The following CACNA2D3 variants were observed in gnomAD, a reference collection of about 807,000 sequenced individuals.
CACNA2D3 encodes voltage-dependent calcium channel subunit alpha-2/delta-3.
A neutral mutation model predicts 160.6 loss-of-function variants in CACNA2D3; 60 were observed. That is an observed-to-expected ratio of 0.37 (90% CI 0.30 to 0.46). CACNA2D3 has a LOEUF of 0.46. Ranked by LOEUF, CACNA2D3 falls within the 20% of genes least tolerant of loss-of-function variation. The pLI, the probability that CACNA2D3 is intolerant of heterozygous loss-of-function variation, is 1.00. For missense variants in CACNA2D3, 1,205 were observed against 1,365.0 expected (o/e 0.88, Z 1.85); for synonymous variants, 558 against 492.9 (o/e 1.13, Z -1.75).
intron 10 of CACNA2D3, among the ~76,000 whole-genome samples, chr3:54,629,951 C>T (rs528933893): frequency 6.6e-6 from 1 of 152,256 alleles, no homozygotes; most frequent in South Asian, 2.1e-4. Flanking sequence ...AAGTCTGTGG[C>T]CCCTGGAGTA....
chr3:54,554,762 C>T (rs907128830), intron 5 of CACNA2D3, among the ~76,000 whole-genome samples: 12 of 152,062 alleles, frequency 7.9e-5, no homozygotes, highest in South Asian at 2.1e-4. Flanking sequence ...TCCTGACTGC[C>T]GTGCTGCTGT....
At chr3:54,573,802 C>T (rs183183379) in intron 8 of CACNA2D3, among the ~76,000 whole-genome samples, 1 of 152,286 alleles carries the variant, frequency 6.6e-6, no homozygotes, top group Admixed American at 6.5e-5. Flanking sequence ...ATTTGCATTC[C>T]CTTGAATTGT....
chr3:54,405,587 A>C (rs1374854385), intron 4 of CACNA2D3, among the ~76,000 whole-genome samples: 1 of 152,110 alleles, frequency 6.6e-6, no homozygotes, highest in Non-Finnish European at 1.5e-5. Context: ...GAAAGACCTA[A>C]ATGTAAAACC....
chr3:54,255,179 T>G (rs1308282596), intron 2 of CACNA2D3, among the ~76,000 whole-genome samples: 1 of 152,236 alleles, frequency 6.6e-6, no homozygotes, highest in Non-Finnish European at 1.5e-5. Context: ...ATAGTAATGT[T>G]TATAGAGCTA....
Position 55,074,337 on chromosome 3 carries a change from A to G in CACNA2D3, c.*131A>G, listed in dbSNP as rs1704900427. ...GTCCAACCATCAGCATCTCATCATG[A>G]TTTTAAACTGTGCGTGATATAAACT... On this transcript the variant is annotated 3_prime_UTR_variant, in exon 38 of 38. Transcript: ENST00000474759. The G allele has an allele frequency of 1.4e-6, 1 of 739,998 alleles. No homozygotes were observed. The highest frequency in any genetic ancestry group is 1.7e-5 in the African/African-American group (1 of 57,906). The allele number at this position is 739,998 out of a possible 1,614,324, so 45.8% of individuals were successfully genotyped here.
intron 4 of CACNA2D3, among the ~76,000 whole-genome samples, chr3:54,456,696 C>G (rs1700402919): frequency 6.6e-6 from 1 of 151,924 alleles, no homozygotes; most frequent in Admixed American, 6.6e-5. Flanking sequence ...ATTAGTTTTT[C>G]TTTAAAAGTT....
intron 2 of CACNA2D3, among the ~76,000 whole-genome samples, chr3:54,244,969 CAAG>C (rs1476786751): frequency 4.6e-5 from 7 of 152,312 alleles, no homozygotes; most frequent in African/African-American, 9.6e-5. Context: ...AACAAGAACT[CAAG>C]AAAAATTTAG....
At chr3:54,284,469 T>A (rs1282567077) in intron 2 of CACNA2D3, among the ~76,000 whole-genome samples, 1 of 152,066 alleles carries the variant, frequency 6.6e-6, no homozygotes, top group East Asian at 1.9e-4. Context: ...TAGGAGAAGT[T>A]GGGTGAAGGG....
intron 5 of CACNA2D3, among the ~76,000 whole-genome samples, chr3:54,540,128 C>T (rs763606771): frequency 5.3e-5 from 8 of 152,166 alleles, no homozygotes; most frequent in Non-Finnish European, 7.3e-5. Flanking sequence ...GGCTATTGAA[C>T]ATGATGATTG....
intron 23 of CACNA2D3, 132 bp from the exon 24 acceptor site, chr3:54,887,827 G>C: frequency 1.5e-6 from 1 of 675,676 alleles, no homozygotes; most frequent in Admixed American, 2.4e-5. Flanking sequence ...TCAACTAGTG[G>C]GAACTTAACT....
intron 4 of CACNA2D3, among the ~76,000 whole-genome samples, chr3:54,409,613 G>A (rs564622031): frequency 3.4e-4 from 52 of 152,300 alleles, no homozygotes; most frequent in African/African-American, 1.2e-3. Flanking sequence ...CTTGCACCAA[G>A]CAGTTAGCTA....
At chr3:55,003,507 A>G (rs1000077216) in intron 31 of CACNA2D3, among the ~76,000 whole-genome samples, 3 of 152,204 alleles carry the variant, frequency 2.0e-5, no homozygotes, top group African/African-American at 7.2e-5. Flanking sequence ...TTTAATATGG[A>G]CAACACAGGG....
At chr3:54,839,262 A>C (rs1423546122) in intron 16 of CACNA2D3, among the ~76,000 whole-genome samples, 2 of 152,176 alleles carry the variant, frequency 1.3e-5, no homozygotes, top group African/African-American at 4.8e-5. Flanking sequence ...CATATCAAAA[A>C]ATAAAAAAAA....
At chr3:54,855,551 AAGAG>A (rs1158209474) in intron 17 of CACNA2D3, among the ~76,000 whole-genome samples, 1 of 152,170 alleles carries the variant, frequency 6.6e-6, no homozygotes, top group African/African-American at 2.4e-5. Context: ...CCAGGAAAGA[AAGAG>A]AGAAAGAAGA....
At chr3:55,036,851 C>T (rs781590354) in intron 35 of CACNA2D3, among the ~76,000 whole-genome samples, 4 of 152,128 alleles carry the variant, frequency 2.6e-5, no homozygotes, top group Admixed American at 6.5e-5. Flanking sequence ...AATTCTTTTT[C>T]TTTCAGAATA....
chr3:54,498,090 C>T (rs917151372), intron 4 of CACNA2D3, among the ~76,000 whole-genome samples: 11 of 150,614 alleles, frequency 7.3e-5, no homozygotes, highest in African/African-American at 2.7e-4. Flanking sequence ...GTTAGGCTAC[C>T]CTCATTAAAT....
chr3:54,553,956 T>C (rs923886603), intron 5 of CACNA2D3, among the ~76,000 whole-genome samples: 2 of 152,192 alleles, frequency 1.3e-5, no homozygotes, highest in Non-Finnish European at 2.9e-5. Context: ...TGCTACAAAA[T>C]GCATTGTTGG....
rs1449785776 is a variant in CACNA2D3, at chr3:54,666,598, C to T, written c.1167+24357C>T. Among the ~76,000 whole-genome samples the T allele has an allele frequency of 2.6e-5, 4 of 152,198 alleles. No homozygotes were observed. The East Asian group carries it at 5.8e-4, about 22-fold the overall frequency. ...TCAGGGATGCCTATTAGTTTTCTTC[C>T]TCCAATATAAGGACTCATTAATCTC... is the stretch of plus-strand genomic sequence containing the variant. On this transcript the variant is annotated intron_variant, in intron 11 of 37. Coordinates refer to ENST00000474759, the MANE Select transcript of CACNA2D3 (RefSeq NM_018398.3).
chr3:54,756,981 A>G (rs1575460022), intron 12 of CACNA2D3, among the ~76,000 whole-genome samples: 1 of 152,126 alleles, frequency 6.6e-6, no homozygotes, highest in African/African-American at 2.4e-5. Flanking sequence ...TTTTACATAC[A>G]TTAAAACAAT....
Sources: allele counts gnomAD v4.1 joint callset (sites outside exome capture counted in the v4.1 genomes callset), GRCh38; gene constraint gnomAD v4.1.1; transcripts MANE v1.5; gene names NCBI Gene and HGNC (gene_info 2026-07-23, HGNC 2026-07-21).